The following NDUFA9 variants were observed in gnomAD, a reference collection of about 807,000 sequenced individuals.
The protein encoded by NDUFA9 is NADH:ubiquinone oxidoreductase subunit A9, also known as NADH dehydrogenase [ubiquinone] 1 alpha subcomplex subunit 9, mitochondrial.
A neutral mutation model predicts 45.9 loss-of-function variants in NDUFA9; 23 were observed. That is an observed-to-expected ratio of 0.50 (90% CI 0.36 to 0.71). NDUFA9 has a LOEUF of 0.71. NDUFA9 is among the 30% of genes least tolerant of loss of function. NDUFA9 has a pLI of 0.00. For synonymous variants in NDUFA9, 176 were observed against 170.5 expected, an observed-to-expected ratio of 1.03 and a Z score of -0.25; for missense variants, 466 against 488.2, an observed-to-expected ratio of 0.95 and a Z score of 0.43.
In NDUFA9 at chr12:4,691,929, A is replaced by G. The variant is rs2137494359; in HGVS notation, c.*4821A>G. The stretch of plus-strand genomic sequence containing the variant: ...TGCAGCTTGGAGCAAGGTGCCCACC[A>G]AAGTTAGGCACATCCCACAGCAAGT... On this transcript the variant is annotated 3_prime_UTR_variant, in exon 11 of 11. Transcript: ENST00000266544. 6.6e-6 allele frequency: 1 copy of G among 152,236 alleles called. No homozygotes were observed. The highest frequency in any genetic ancestry group is 1.5e-5 in the Non-Finnish European group (1 of 68,018). 9.4% of individuals were successfully genotyped at this position (152,236 alleles called of 1,614,324 possible). A position where few individuals can be genotyped will look rare whatever the true frequency, so the allele number is the denominator to read the frequency against.
rs570331676 is a variant in NDUFA9 at position 4,666,847 on chromosome 12, A to G, written c.656-1610A>G. Among the ~76,000 whole-genome samples the G allele has an allele frequency of 6.6e-5, 10 of 152,286 alleles. No homozygotes were observed. In the East Asian group the frequency reaches 1.7e-3, roughly 26 times the overall value. On this transcript the variant is annotated intron_variant, in intron 6 of 10. Transcript: ENST00000266544. ...GTTCTTTTTCAAGATTGTTTTGGCT[A>G]TTTAAAGGAATCCCTTTAAATGTCA...
chr12:4,649,831 T>G (rs1945745814), intron 1 of NDUFA9, among the ~76,000 whole-genome samples: 2 of 152,192 alleles, frequency 1.3e-5, no homozygotes, highest in African/African-American at 4.8e-5. Context: ...TGTTAGAATT[T>G]GTTAGCATTA....
intron 9 of NDUFA9, among the ~76,000 whole-genome samples, chr12:4,683,203 A>G (rs1464084795): frequency 6.6e-6 from 1 of 151,960 alleles, no homozygotes; most frequent in Non-Finnish European, 1.5e-5. Context: ...AAGAAAGAAA[A>G]GAAAAACCTA....
At chr12:4,658,759 C>T (rs1298346590) in intron 4 of NDUFA9, among the ~76,000 whole-genome samples, 2 of 151,846 alleles carry the variant, frequency 1.3e-5, no homozygotes, top group African/African-American at 4.8e-5. Context: ...AATTTTTTTT[C>T]TTTTTTTAGA....
chr12:4,665,339 T>C (rs1945846906), intron 6 of NDUFA9, among the ~76,000 whole-genome samples: 1 of 152,234 alleles, frequency 6.6e-6, no homozygotes, highest in Non-Finnish European at 1.5e-5. Flanking sequence ...ACAGTATTTG[T>C]CTTTTCGTAG....
rs1945994061 is a variant in NDUFA9, at chr12:4,687,323, G to GAT, written c.*223_*224dup. 1 of 465,972 alleles carries GAT rather than the reference G, an allele frequency of 2.1e-6. No individual in the cohort carries two copies. The highest frequency in any genetic ancestry group is 3.6e-5 in the South Asian group (1 of 27,962). 28.9% of individuals were successfully genotyped at this position (465,972 alleles called of 1,614,324 possible). On this transcript the variant is annotated 3_prime_UTR_variant, in exon 11 of 11. Coordinates refer to ENST00000266544, the MANE Select transcript of NDUFA9 (RefSeq NM_005002.5). Reference sequence around the variant, plus strand: ...ATTTTTGTTAAACATATTTAATAATGATATATATACTATTTATTCTCTGAA... The same window carrying GAT: ...ATTTTTGTTAAACATATTTAATAATGATATATATATACTATTTATTCTCTGAA...
In NDUFA9 at chr12:4,692,733, A is replaced by G. The variant is rs2137494909; in HGVS notation, c.*5625A>G. ...GAATGGAAGGGCCAGAATCCAGAGCATAGGTGGGATTGTGTGGGCTGACAA... is the reference window on the plus strand; with the variant it reads ...GAATGGAAGGGCCAGAATCCAGAGCGTAGGTGGGATTGTGTGGGCTGACAA... On this transcript the variant is annotated 3_prime_UTR_variant, in exon 11 of 11. Transcript: ENST00000266544. The G allele has an allele frequency of 6.6e-6, 1 of 152,416 alleles. No individual in the cohort carries two copies. The highest frequency in any genetic ancestry group is 6.5e-5 in the Admixed American group (1 of 15,310). The allele number at this position is 152,416 out of a possible 1,614,324, so 9.4% of individuals were successfully genotyped here.
intron 6 of NDUFA9, among the ~76,000 whole-genome samples, chr12:4,667,952 A>G (rs1314568050): frequency 6.6e-6 from 1 of 151,918 alleles, no homozygotes; most frequent in Non-Finnish European, 1.5e-5. Context: ...CCTTTTTTTC[A>G]AATAGCAGAA....
intron 1 of NDUFA9, among the ~76,000 whole-genome samples, chr12:4,649,625 G>A (rs1266828816): frequency 6.6e-6 from 1 of 152,106 alleles, no homozygotes; most frequent in Non-Finnish European, 1.5e-5. Flanking sequence ...CAATGGAAAT[G>A]ATAATATTAC....
chr12:4,681,943 T>G (rs544181976), intron 8 of NDUFA9, among the ~76,000 whole-genome samples: 18 of 152,264 alleles, frequency 1.2e-4, no homozygotes, highest in African/African-American at 4.3e-4. Context: ...TAATGTTAAA[T>G]GAAAAAGACA....
intron 3 of NDUFA9, among the ~76,000 whole-genome samples, chr12:4,656,270 G>C (rs1330079690): frequency 6.6e-6 from 1 of 151,896 alleles, no homozygotes; most frequent in Non-Finnish European, 1.5e-5. Flanking sequence ...GTATATTCTT[G>C]GTATTAAAGT....
rs1326876694 is a variant in NDUFA9 at position 4,694,217 on chromosome 12, T to TATTA, written c.*7110_*7113dup. 6.6e-6 allele frequency: 1 copy of TATTA among 152,268 alleles called. No homozygotes were observed. Among genetic ancestry groups the TATTA allele is most frequent in the Non-Finnish European group, 1.5e-5 (1 of 68,058 alleles). 9.4% of individuals were successfully genotyped at this position (152,268 alleles called of 1,614,324 possible). A position where few individuals can be genotyped will look rare whatever the true frequency, so the allele number is the denominator to read the frequency against. ...CGACCTCCTTCCCCAGTTTTGCTTC[T>TATTA]ATTAGCACATTTATTTCAGTAATTT... On this transcript the variant is annotated 3_prime_UTR_variant, in exon 11 of 11. Coordinates refer to ENST00000266544, the MANE Select transcript of NDUFA9 (RefSeq NM_005002.5).
intron 4 of NDUFA9, among the ~76,000 whole-genome samples, chr12:4,658,773 A>G: frequency 6.6e-6 from 1 of 152,170 alleles, no homozygotes; most frequent in Non-Finnish European, 1.5e-5. Flanking sequence ...TTTTAGAAAT[A>G]GAGACAGGGT....
intron 2 of NDUFA9, 136 bp from the exon 3 acceptor site, chr12:4,654,689 G>T: frequency 1.1e-6 from 1 of 942,258 alleles, no homozygotes; most frequent in Non-Finnish European, 1.6e-6. Flanking sequence ...TCTTTAGCAT[G>T]GCAAAATATT....
At chr12:4,655,237 T>C (rs1204582797) in intron 3 of NDUFA9, 1 of 228,998 alleles carries the variant, frequency 4.4e-6, no homozygotes, top group Non-Finnish European at 8.6e-6. Context: ...TGTACACAAA[T>C]GGGCATGGCT....
chr12:4,672,534 T>A (rs776794719), intron 8 of NDUFA9, among the ~76,000 whole-genome samples: 9 of 152,172 alleles, frequency 5.9e-5, no homozygotes, highest in Non-Finnish European at 7.4e-5. Context: ...CTGGGACGTA[T>A]GAGCTTGGGA....
intron 3 of NDUFA9, among the ~76,000 whole-genome samples, chr12:4,656,982 A>G (rs1400880489): frequency 1.3e-5 from 2 of 152,110 alleles, no homozygotes; most frequent in African/African-American, 4.8e-5. Context: ...CCTAAATTAA[A>G]CAGACATCCT....
chr12:4,662,315 T>C (rs1945827683), intron 5 of NDUFA9, among the ~76,000 whole-genome samples: 1 of 152,232 alleles, frequency 6.6e-6, no homozygotes, highest in African/African-American at 2.4e-5. Flanking sequence ...AATAAAAAAA[T>C]TGGAAGAGAC....
At chr12:4,670,478 G>A (rs1336416862) in intron 8 of NDUFA9, among the ~76,000 whole-genome samples, 1 of 152,168 alleles carries the variant, frequency 6.6e-6, no homozygotes, top group Admixed American at 6.5e-5. Flanking sequence ...GCAAACTAGT[G>A]ACACTTGACA....
Sources: gnomAD v4.1 joint callset for allele counts (sites outside exome capture counted in the v4.1 genomes callset) on GRCh38, gnomAD v4.1.1 for gene constraint, MANE v1.5 for transcripts, NCBI Gene and HGNC (gene_info 2026-07-23, HGNC 2026-07-21) for gene names.